The following TUBB4B variants were observed in gnomAD, a reference collection of about 807,000 sequenced individuals.
The protein encoded by TUBB4B is tubulin beta 4B class IVb.
In TUBB4B, 7 loss-of-function variants were observed where a neutral mutation model predicts 34.3. That is an observed-to-expected ratio of 0.20 (90% confidence interval 0.12 to 0.38). The LOEUF (loss-of-function observed/expected upper bound fraction) is 0.38, where lower values mean the gene tolerates loss of function less well. TUBB4B is among the 10% of genes least tolerant of loss of function. TUBB4B has a pLI of 1.00. For synonymous variants in TUBB4B, 390 were observed against 250.2 expected (o/e 1.56, Z -5.27); for missense variants, 178 against 610.9 (o/e 0.29, Z 7.47).
chr9:137,241,364 A>C lies in TUBB4B; in HGVS notation c.4A>C (p.Arg2=). 1.2e-6 allele frequency: 2 copies of C among 1,602,836 alleles called. No homozygotes were observed. The highest frequency in any genetic ancestry group is 1.7e-6 in the Non-Finnish European group (2 of 1,177,480). ...CCCCGCCGCCGCCGCCGCCATCATGAGGGAAATCGTGCACTTGCAGGCCGG... is the reference window on the plus strand; with the variant it reads ...CCCCGCCGCCGCCGCCGCCATCATGCGGGAAATCGTGCACTTGCAGGCCGG... M[R]EIVHLQAGQC... The change falls in exon 1 of 4, where the codon AGG becomes CGG. Residue 2 remains arginine, a synonymous_variant. Transcript: ENST00000340384.
Position 137,243,083 on chromosome 9 carries a change from C to G in TUBB4B, c.865C>G (p.Leu289Val). 6.2e-7 allele frequency: 1 copy of G among 1,613,018 alleles called. No individual in the cohort carries two copies. Among genetic ancestry groups the G allele is most frequent in the Non-Finnish European group, 8.5e-7 (1 of 1,180,038 alleles). ...GTACCGGGCGCTGACCGTGCCCGAGCTCACCCAGCAGATGTTTGATGCCAA... is the reference window on the plus strand; with the variant it reads ...GTACCGGGCGCTGACCGTGCCCGAGGTCACCCAGCAGATGTTTGATGCCAA... ...QQYRALTVPE[L>V]TQQMFDAKNM... is the part of the protein sequence containing the mutation. Residue 289 changes from leucine to valine, a missense_variant, in exon 4 of 4, where the codon CTC becomes GTC. Transcript: ENST00000340384.
chr9:137,243,295 G>A lies in TUBB4B; in HGVS notation c.1077G>A (p.Arg359=), dbSNP rs757563372. 2 of 1,613,620 alleles carry A rather than the reference G, an allele frequency of 1.2e-6. No homozygotes were observed. Among genetic ancestry groups the A allele is most frequent in the Non-Finnish European group, 1.7e-6 (2 of 1,180,040 alleles). The change falls in exon 4 of 4, where the codon CGG becomes CGA. Residue 359 remains arginine, a synonymous_variant. Coordinates refer to ENST00000340384, the MANE Select transcript of TUBB4B (RefSeq NM_006088.6). The part of the protein sequence containing the change: ...VKTAVCDIPP[R]GLKMSATFIG... ...CGGCTGTCTGTGACATCCCACCTCG[G>A]GGGCTAAAAATGTCCGCCACCTTCA...
chr9:137,242,342 G>A, intron 3 of TUBB4B, 154 bp from the exon 4 acceptor site: 1 of 914,750 alleles, frequency 1.1e-6, no homozygotes, highest in South Asian at 1.8e-5. Context: ...AGCAGGGCAG[G>A]CTGCCGTCTT....
Position 137,242,824 on chromosome 9 carries a change from T to C in TUBB4B, c.606T>C (p.Ile202=), listed in dbSNP as rs1334031365. 5 of 1,613,802 alleles carry C rather than the reference T, an allele frequency of 3.1e-6. No homozygotes were observed. The highest frequency in any genetic ancestry group is 1.1e-5 in the South Asian group (1 of 91,086). ...AAAACACAGACGAGACCTACTGCAT[T>C]GATAACGAAGCTCTCTACGACATTT... is the stretch of plus-strand genomic sequence containing the variant. ...LVENTDETYC[I]DNEALYDICF... Residue 202 remains isoleucine, a synonymous_variant, in exon 4 of 4, where the codon ATT becomes ATC. Coordinates refer to ENST00000340384, the MANE Select transcript of TUBB4B (RefSeq NM_006088.6).
rs758149907 is a variant in TUBB4B, at chr9:137,242,473, T to A, written c.278-23T>A. Reference sequence around the variant, plus strand: ...TAGTGCTGTCTACCTGGCTGACAAATGATTAGCTGTGTTCTCTCACAGGTC... The same window carrying A: ...TAGTGCTGTCTACCTGGCTGACAAAAGATTAGCTGTGTTCTCTCACAGGTC... On this transcript the variant is annotated intron_variant, in intron 3 of 3. Coordinates refer to ENST00000340384, the MANE Select transcript of TUBB4B (RefSeq NM_006088.6). 1.9e-6 allele frequency: 3 copies of A among 1,603,704 alleles called. No individual in the cohort carries two copies. The Admixed American group carries it at 5.0e-5, about 27-fold the overall frequency.
chr9:137,242,633 C>T lies in TUBB4B; in HGVS notation c.415C>T (p.Leu139=), dbSNP rs372409265. The T allele has an allele frequency of 1.4e-5, 22 of 1,613,590 alleles. No individual in the cohort carries two copies. The highest frequency in any genetic ancestry group is 1.9e-5 in the Non-Finnish European group (22 of 1,180,006). ...GCAGGGTTTCCAGCTGACCCACTCC[C>T]TGGGTGGGGGGACTGGGTCTGGGAT... ...CLQGFQLTHS[L]GGGTGSGMGT... Residue 139 remains leucine, a synonymous_variant, in exon 4 of 4, where the codon CTG becomes TTG. Coordinates refer to ENST00000340384, the MANE Select transcript of TUBB4B (RefSeq NM_006088.6).
intron 2 of TUBB4B, 22 bp downstream of exon 2, chr9:137,241,851 C>T (rs1199561081): frequency 6.2e-7 from 1 of 1,612,062 alleles, no homozygotes; most frequent in Admixed American, 1.7e-5. Flanking sequence ...GCCCCTTCCC[C>T]GACCGCCCTC....
chr9:137,242,872 C>T lies in TUBB4B; in HGVS notation c.654C>T (p.Thr218=). ...YDICFRTLKL[T]TPTYGDLNHL... ...TTTGCTTCAGAACCCTAAAGCTGAC[C>T]ACGCCCACCTATGGTGACCTGAACC... is the stretch of plus-strand genomic sequence containing the variant. The change falls in exon 4 of 4, where the codon ACC becomes ACT. Residue 218 remains threonine, a synonymous_variant. Coordinates refer to ENST00000340384, the MANE Select transcript of TUBB4B (RefSeq NM_006088.6). 1.2e-6 allele frequency: 2 copies of T among 1,613,510 alleles called. No individual in the cohort carries two copies. The highest frequency in any genetic ancestry group is 8.5e-7 in the Non-Finnish European group (1 of 1,180,034).
rs780833062 is a variant in TUBB4B at position 137,241,908 on chromosome 9, C to T, written c.167-3C>T. 3.1e-6 allele frequency: 5 copies of T among 1,611,020 alleles called. No individual in the cohort carries two copies. The highest frequency in any genetic ancestry group is 4.2e-6 in the Non-Finnish European group (5 of 1,179,008). On this transcript the variant is annotated splice_polypyrimidine_tract_variant and splice_region_variant and intron_variant, in intron 2 of 3. Transcript: ENST00000340384. Reference sequence around the variant, plus strand: ...CTTGGCTGACGCCCTCCCGTCCCCGCAGGCGGCAAGTACGTGCCCCGCGCC... The same window carrying T: ...CTTGGCTGACGCCCTCCCGTCCCCGTAGGCGGCAAGTACGTGCCCCGCGCC...
In TUBB4B at chr9:137,242,683, C is replaced by T. The variant is rs762570899; in HGVS notation, c.465C>T (p.Ile155=). 6 of 1,613,688 alleles carry T rather than the reference C, an allele frequency of 3.7e-6. No individual in the cohort carries two copies. The highest frequency in any genetic ancestry group is 5.1e-6 in the Non-Finnish European group (6 of 1,180,010). ...SGMGTLLISK[I]REEYPDRIMN... ...TGGGTACCCTCCTCATCAGCAAGAT[C>T]CGGGAGGAGTACCCAGACAGGATCA... The change falls in exon 4 of 4, where the codon ATC becomes ATT. Residue 155 remains isoleucine, a synonymous_variant. Coordinates refer to ENST00000340384, the MANE Select transcript of TUBB4B (RefSeq NM_006088.6).
rs758979592 is a variant in TUBB4B at position 137,242,524 on chromosome 9, C to G, written c.306C>G (p.Ala102=). ...AGAGTGGTGCTGGGAACAACTGGGC[C>G]AAGGGGCACTACACAGAAGGCGCGG... ...FGQSGAGNNW[A]KGHYTEGAEL... The change falls in exon 4 of 4, where the codon GCC becomes GCG. Residue 102 remains alanine (A), a synonymous_variant. Coordinates refer to ENST00000340384, the MANE Select transcript of TUBB4B (RefSeq NM_006088.6). 3.0e-5 allele frequency: 49 copies of G among 1,613,610 alleles called. No individual in the cohort carries two copies. Among genetic ancestry groups the G allele is most frequent in the Non-Finnish European group, 4.0e-5 (47 of 1,179,936 alleles).
Position 137,243,354 on chromosome 9 carries a change from A to G in TUBB4B, c.1136A>G (p.Lys379Arg). The G allele has an allele frequency of 1.2e-6, 2 of 1,613,582 alleles. No homozygotes were observed. Among genetic ancestry groups the G allele is most frequent in the Non-Finnish European group, 1.7e-6 (2 of 1,180,034 alleles). Residue 379 changes from lysine to arginine, a missense_variant, in exon 4 of 4, where the codon AAG becomes AGG. By Grantham distance (26) the Lys-to-Arg change is conservative. Coordinates refer to ENST00000340384, the MANE Select transcript of TUBB4B (RefSeq NM_006088.6). ...AGCACGGCCATCCAGGAGCTGTTCA[A>G]GCGCATCTCCGAGCAGTTCACGGCC... ...GNSTAIQELF[K>R]RISEQFTAMF...
At position 137,242,891 on chromosome 9, in the gene TUBB4B, C is replaced by T. The variant is rs772116718; in HGVS notation, c.673C>T (p.Leu225=). The T allele has an allele frequency of 8.7e-6, 14 of 1,613,144 alleles. No homozygotes were observed. Among genetic ancestry groups the T allele is most frequent in the Middle Eastern group, 1.6e-4 (1 of 6,084 alleles). The change falls in exon 4 of 4, where the codon CTG becomes TTG. Residue 225 remains leucine, a synonymous_variant. Coordinates refer to ENST00000340384, the MANE Select transcript of TUBB4B (RefSeq NM_006088.6). ...GCTGACCACGCCCACCTATGGTGAC[C>T]TGAACCACCTGGTGTCTGCTACCAT... ...LKLTTPTYGD[L]NHLVSATMSG... is the part of the protein sequence containing the mutation.
At chr9:137,241,457 G>T in intron 1 of TUBB4B, 40 bp downstream of exon 1, 1 of 1,477,372 alleles carries the variant, frequency 6.8e-7, no homozygotes. Context: ...GGCCTGCCGG[G>T]CGGTGTGGGC....
intron 1 of TUBB4B, 92 bp downstream of exon 1, chr9:137,241,509 C>T (rs1836740251): frequency 1.8e-6 from 2 of 1,111,166 alleles, no homozygotes; most frequent in Non-Finnish European, 2.2e-6. Flanking sequence ...CCGGGCGGCG[C>T]CCCCGCATTG....
Position 137,241,304 on chromosome 9 carries a change from C to A in TUBB4B, c.-57C>A. On this transcript the variant is annotated 5_prime_UTR_variant, in exon 1 of 4. Transcript: ENST00000340384. ...TCGGTTGTAGCACTCTGCGCGCCCG[C>A]TCTTCTGCTGCTGTTTGTCTACTTC... is the stretch of plus-strand genomic sequence containing the variant. The A allele has an allele frequency of 2.3e-5, 36 of 1,569,486 alleles. No homozygotes were observed. The highest frequency in any genetic ancestry group is 3.0e-5 in the Non-Finnish European group (35 of 1,164,274).
chr9:137,241,664 G>T (rs1836747219), intron 1 of TUBB4B, 57 bp from the exon 2 acceptor site: 11 of 1,427,638 alleles, frequency 7.7e-6, no homozygotes, highest in Admixed American at 2.2e-5. Context: ...GCCTCCCTGC[G>T]CACCGGCCGC....
rs535277380 is a variant in TUBB4B, at chr9:137,241,355, G to A, written c.-6G>A. On this transcript the variant is annotated 5_prime_UTR_variant, in exon 1 of 4. Coordinates refer to ENST00000340384, the MANE Select transcript of TUBB4B (RefSeq NM_006088.6). Reference sequence around the variant, plus strand: ...CTCCTGCTTCCCCGCCGCCGCCGCCGCCATCATGAGGGAAATCGTGCACTT... The same window carrying A: ...CTCCTGCTTCCCCGCCGCCGCCGCCACCATCATGAGGGAAATCGTGCACTT... 2.5e-6 allele frequency: 4 copies of A among 1,600,110 alleles called. No homozygotes were observed. The highest frequency in any genetic ancestry group is 2.3e-5 in the East Asian group (1 of 43,932).
rs762427284 is a variant in TUBB4B, at chr9:137,241,336, C to G, written c.-25C>G. 10 of 1,593,758 alleles carry G rather than the reference C, an allele frequency of 6.3e-6. No individual in the cohort carries two copies. The African/African-American group carries it at 1.1e-4, about 17-fold the overall frequency. On this transcript the variant is annotated 5_prime_UTR_variant, in exon 1 of 4. Transcript: ENST00000340384. ...GCTGCTGTTTGTCTACTTCCTCCTG[C>G]TTCCCCGCCGCCGCCGCCGCCATCA...
Sources: gnomAD v4.1 joint callset for allele counts on GRCh38, gnomAD v4.1.1 for gene constraint, MANE v1.5 for transcripts, NCBI Gene and HGNC (gene_info 2026-07-23, HGNC 2026-07-21) for gene names.